The following NUDT3 variants were observed in gnomAD, a reference collection of about 807,000 sequenced individuals.
NUDT3 encodes nudix hydrolase 3.
A neutral mutation model predicts 23.6 loss-of-function variants in NUDT3; 9 were observed. That is an observed-to-expected ratio of 0.38 (90% CI 0.23 to 0.66). The LOEUF (loss-of-function observed/expected upper bound fraction) is 0.66, where lower values mean the gene tolerates loss of function less well. Among genes scored for constraint, NUDT3 ranks in the 30% least tolerant of loss-of-function variants. NUDT3 has a pLI of 0.52. For missense variants in NUDT3, 172 were observed against 218.5 expected, an observed-to-expected ratio of 0.79 and a Z score of 1.34; for synonymous variants, 86 against 82.6, an observed-to-expected ratio of 1.04 and a Z score of -0.22.
chr6:34,288,685 G>C lies in NUDT3; in HGVS notation c.*68C>G. 6.5e-7 allele frequency: 1 copy of C among 1,544,564 alleles called. No individual in the cohort carries two copies. Among genetic ancestry groups the C allele is most frequent in the Non-Finnish European group, 8.7e-7 (1 of 1,147,714 alleles). On this transcript the variant is annotated 3_prime_UTR_variant, in exon 5 of 5. Transcript: ENST00000607016. ...GGCCTGTGAGAAGTGGAAAGAGCCAGGGTGAGAGGGAAGATTTGCACTTCA... is the reference window on the plus strand; with the variant it reads ...GGCCTGTGAGAAGTGGAAAGAGCCACGGTGAGAGGGAAGATTTGCACTTCA...
At chr6:34,341,775 G>C in intron 2 of NUDT3, 87 bp downstream of exon 2, 2 of 1,144,806 alleles carry the variant, frequency 1.7e-6, no homozygotes, top group Non-Finnish European at 2.5e-6. Flanking sequence ...TATTTATTCA[G>C]TGAGTGCTGA....
intron 2 of NUDT3, among the ~76,000 whole-genome samples, chr6:34,335,923 A>T (rs898017080): frequency 1.3e-5 from 2 of 152,136 alleles, no homozygotes; most frequent in African/African-American, 4.8e-5. Flanking sequence ...ATTGACACAT[A>T]ATAATTTTAA....
chr6:34,294,241 C>T (rs1031660848), intron 3 of NUDT3, among the ~76,000 whole-genome samples: 1 of 152,006 alleles, frequency 6.6e-6, no homozygotes, highest in African/African-American at 2.4e-5. Flanking sequence ...ATGCCTAGGC[C>T]TGGGAAAGTG....
At chr6:34,324,848 C>T (rs894874950) in intron 2 of NUDT3, among the ~76,000 whole-genome samples, 3 of 151,000 alleles carry the variant, frequency 2.0e-5, no homozygotes, top group African/African-American at 7.3e-5. Context: ...AGAGCAGAGA[C>T]GCTTCTCTGA....
rs570463333 is a variant in NUDT3, at chr6:34,382,567, A to AGGTCAAGGCAGGAGGGCTGCTGCTTC, written c.99+9671_99+9696dup. ...ACACCTGTAATCCCAGCACTTTGGA[A>AGGTCAAGGCAGGAGGGCTGCTGCTTC]GGTCAAGGCAGGAGGGCTGCTGCTT... is the stretch of plus-strand genomic sequence containing the variant. On this transcript the variant is annotated intron_variant, in intron 1 of 4. Transcript: ENST00000607016. 2.6e-4 allele frequency among the ~76,000 whole-genome samples: 40 copies of AGGTCAAGGCAGGAGGGCTGCTGCTTC among 152,136 alleles called. No homozygotes were observed. In the South Asian group the frequency reaches 7.5e-3, roughly 29 times the overall value.
chr6:34,345,004 TA>T (rs1039771848), intron 1 of NUDT3, among the ~76,000 whole-genome samples: 1 of 150,998 alleles, frequency 6.6e-6, no homozygotes, highest in African/African-American at 2.4e-5. Flanking sequence ...CCATTTTGAT[TA>T]AAAAAAAAGA....
chr6:34,348,864 T>TC (rs1764423964), intron 1 of NUDT3, among the ~76,000 whole-genome samples: 1 of 149,786 alleles, frequency 6.7e-6, no homozygotes, highest in Non-Finnish European at 1.5e-5. Context: ...GGAAGGTTTC[T>TC]CTTTTTTTTT....
chr6:34,311,428 A>T (rs1763770708), intron 2 of NUDT3, among the ~76,000 whole-genome samples: 1 of 152,238 alleles, frequency 6.6e-6, no homozygotes, highest in Non-Finnish European at 1.5e-5. Flanking sequence ...TCAGATATCA[A>T]AGAAAAACTA....
intron 1 of NUDT3, among the ~76,000 whole-genome samples, chr6:34,370,514 A>T (rs895806662): frequency 3.9e-5 from 6 of 152,224 alleles, no homozygotes; most frequent in Non-Finnish European, 8.8e-5. Flanking sequence ...GAAAACTGGG[A>T]AATGAGTATT....
chr6:34,325,419 T>C (rs1764010726), intron 2 of NUDT3, among the ~76,000 whole-genome samples: 1 of 152,140 alleles, frequency 6.6e-6, no homozygotes, highest in South Asian at 2.1e-4. Flanking sequence ...CTTTGTTGCC[T>C]AGGCTGGTCT....
chr6:34,361,047 ACC>A (rs915114048), intron 1 of NUDT3, among the ~76,000 whole-genome samples: 7 of 152,016 alleles, frequency 4.6e-5, no homozygotes, highest in Admixed American at 2.6e-4. Flanking sequence ...ACATAGCAAG[ACC>A]CCATTTCTAT....
intron 2 of NUDT3, among the ~76,000 whole-genome samples, chr6:34,305,186 T>C (rs975576254): frequency 2.0e-5 from 3 of 151,858 alleles, no homozygotes; most frequent in African/African-American, 4.8e-5. Flanking sequence ...TTTTACCATG[T>C]TGGCAGGCTG....
At chr6:34,348,220 A>T (rs117207022) in intron 1 of NUDT3, among the ~76,000 whole-genome samples, 1 of 151,630 alleles carries the variant, frequency 6.6e-6, no homozygotes, top group Admixed American at 6.6e-5. Flanking sequence ...CAGGAGGAGG[A>T]GGTTGCAGTG....
chr6:34,320,999 T>C (rs191114338), intron 2 of NUDT3, among the ~76,000 whole-genome samples: 1 of 151,996 alleles, frequency 6.6e-6, no homozygotes, highest in Non-Finnish European at 1.5e-5. Flanking sequence ...CGTCTCTAGG[T>C]GGCAAAAGGA....
intron 1 of NUDT3, among the ~76,000 whole-genome samples, chr6:34,350,362 G>A (rs78845215): frequency 0.014 from 2,060 of 150,948 alleles, 139 homozygotes; most frequent in African/African-American, 0.042. Flanking sequence ...GATATGCTCT[G>A]CAAATTGCAT....
Position 34,354,472 on chromosome 6 carries a change from C to T in NUDT3, c.100-12500G>A, listed in dbSNP as rs148584912. Among the ~76,000 whole-genome samples the T allele has an allele frequency of 2.7e-4, 41 of 151,630 alleles. No homozygotes were observed. The East Asian group carries it at 7.8e-3, about 29-fold the overall frequency. On this transcript the variant is annotated intron_variant, in intron 1 of 4. Coordinates refer to ENST00000607016, the MANE Select transcript of NUDT3 (RefSeq NM_006703.4). ...GCACAGTGGCTCACGCCTGTAATCT[C>T]AACACTCTGGGAGGCCGAGGCAGAT...
rs1300015534 is a variant in NUDT3, at chr6:34,325,874, T to C, written c.210+15988A>G. The stretch of plus-strand genomic sequence containing the variant: ...AACATACAATCTGTCTTAGGGAAAG[T>C]GGCATCTGTCACATCACCGTCCTTT... On this transcript the variant is annotated intron_variant, in intron 2 of 4. Coordinates refer to ENST00000607016, the MANE Select transcript of NUDT3 (RefSeq NM_006703.4). Among the ~76,000 whole-genome samples the C allele has an allele frequency of 4.6e-5, 7 of 152,350 alleles. No homozygotes were observed. The East Asian group carries it at 1.3e-3, about 29-fold the overall frequency.
intron 3 of NUDT3, among the ~76,000 whole-genome samples, chr6:34,293,855 G>A (rs1373664677): frequency 2.6e-5 from 4 of 152,160 alleles, no homozygotes. Context: ...ACCAGGGAGA[G>A]GACTGTGGAT....
intron 1 of NUDT3, among the ~76,000 whole-genome samples, chr6:34,349,754 G>C (rs1378258369): frequency 6.6e-6 from 1 of 150,528 alleles, no homozygotes; most frequent in Admixed American, 6.6e-5. Flanking sequence ...ATATACTCCA[G>C]AGATCCTAGG....
Sources: gnomAD v4.1 joint callset for allele counts (sites outside exome capture counted in the v4.1 genomes callset) on GRCh38, gnomAD v4.1.1 for gene constraint, MANE v1.5 for transcripts, NCBI Gene and HGNC (gene_info 2026-07-23, HGNC 2026-07-21) for gene names.